Variants in TDRD5 observed in about 807,000 individuals in gnomAD.
TDRD5 encodes tudor domain-containing protein 5.
In TDRD5, 41 loss-of-function variants were observed where a neutral mutation model predicts 120.6. The ratio of observed to expected loss-of-function variants is 0.34; its 90% CI spans 0.26 to 0.44. The LOEUF (loss-of-function observed/expected upper bound fraction) is 0.44, where lower values mean the gene tolerates loss of function less well. TDRD5 is among the 20% of genes least tolerant of loss of function. The pLI, the probability that TDRD5 is intolerant of heterozygous loss-of-function variation, is 1.00. For synonymous variants in TDRD5, 430 were observed against 433.7 expected, an observed-to-expected ratio of 0.99 and a Z score of 0.11; for missense variants, 1,006 against 1,221.2, an observed-to-expected ratio of 0.82 and a Z score of 2.63.
At chr1:179,596,983 AT>A (rs1291865181) in intron 4 of TDRD5, among the ~76,000 whole-genome samples, 2 of 152,328 alleles carry the variant, frequency 1.3e-5, no homozygotes, top group East Asian at 3.9e-4. Context: ...AGTTTTAAAA[AT>A]ATTAGCCATT....
chr1:179,641,305 G>A (rs974610643), intron 11 of TDRD5, among the ~76,000 whole-genome samples: 6 of 152,070 alleles, frequency 3.9e-5, no homozygotes, highest in South Asian at 2.1e-4. Context: ...CAAGGCGGGC[G>A]GATCACCTGA....
chr1:179,640,441 T>C lies in TDRD5; in HGVS notation c.1796T>C (p.Val599Ala). 2 of 1,614,082 alleles carry C rather than the reference T, an allele frequency of 1.2e-6. No individual in the cohort carries two copies. Among genetic ancestry groups the C allele is most frequent in the Non-Finnish European group, 1.7e-6 (2 of 1,179,946 alleles). Residue 599 changes from valine (V) to alanine (A), a missense_variant, in exon 11 of 18, where the codon GTA becomes GCA. Coordinates refer to ENST00000444136, the MANE Select transcript of TDRD5 (RefSeq NM_001199085.3). ...TGTTCTTTGGCTTGGGTGAGACCAG[T>C]AGAGGTATGTTTGCTTGTCTCCCAT... is the stretch of plus-strand genomic sequence containing the variant. ...IPCSLAWVRP[V>A]EEHWTSKAIL...
At position 179,630,900 on chromosome 1, in the gene TDRD5, A is replaced by C. The variant is rs1441542118; in HGVS notation, c.1106A>C (p.Asp369Ala). 3 of 1,613,190 alleles carry C rather than the reference A, an allele frequency of 1.9e-6. No individual in the cohort carries two copies. In the Admixed American group the frequency reaches 5.0e-5, roughly 27 times the overall value. ...CAAGACTTACTAGTGTTTGATGCGG[A>C]TAAGAAGCCTCTACCACCTGGTGAG... ...GHQDLLVFDA[D>A]KKPLPPVQSD... Residue 369 changes from aspartate (D) to alanine (A), a missense_variant, in exon 7 of 18, where the codon GAT (aspartate) becomes GCT (alanine). Asp to Ala is a moderately radical substitution (Grantham distance 126). This residue lies in a region of TDRD5 where 445 missense variants were observed against 515.5 expected (regional missense o/e 0.86). Coordinates refer to ENST00000444136, the MANE Select transcript of TDRD5 (RefSeq NM_001199085.3).
chr1:179,671,992 G>GTGTA (rs927077923), intron 17 of TDRD5, among the ~76,000 whole-genome samples: 76 of 141,292 alleles, frequency 5.4e-4, no homozygotes, highest in South Asian at 3.6e-3. Flanking sequence ...GTGTGTGTGT[G>GTGTA]TATCACATTT....
At position 179,651,045 on chromosome 1, in the gene TDRD5, G is replaced by C; in HGVS notation, c.1979G>C (p.Cys660Ser). Residue 660 changes from cysteine to serine, a missense_variant, in exon 12 of 18, where the codon TGC (cysteine) becomes TCC (serine). Around this residue, in one of 3 missense-constraint regions of TDRD5, gnomAD observed 403 missense variants for 448.1 expected, o/e 0.90. Coordinates refer to ENST00000444136, the MANE Select transcript of TDRD5 (RefSeq NM_001199085.3). The part of the protein sequence containing the change: ...VLRTEGHAIV[C>S]RENISSKGFS... ...AGAACAGAGGGCCATGCTATTGTAT[G>C]CCGAGAAAATATCTCTTCTAAGGTG... is the stretch of plus-strand genomic sequence containing the variant. The C allele has an allele frequency of 6.2e-7, 1 of 1,614,082 alleles. No individual in the cohort carries two copies. The highest frequency in any genetic ancestry group is 1.1e-5 in the South Asian group (1 of 91,076).
intron 4 of TDRD5, among the ~76,000 whole-genome samples, chr1:179,597,845 CAT>C (rs1447110539): frequency 8.9e-5 from 13 of 145,978 alleles, no homozygotes; most frequent in African/African-American, 3.1e-4. Context: ...TCACCTCACA[CAT>C]GTGTAGTTCT....
intron 15 of TDRD5, among the ~76,000 whole-genome samples, chr1:179,662,980 A>G (rs573014826): frequency 1.3e-5 from 2 of 152,204 alleles, no homozygotes; most frequent in African/African-American, 4.8e-5. Flanking sequence ...ATTAGGCCTA[A>G]CTATATATAT....
Position 179,618,700 on chromosome 1 carries a change from C to T in TDRD5, c.915+18C>T. The T allele has an allele frequency of 6.6e-7, 1 of 1,511,384 alleles. No individual in the cohort carries two copies. The highest frequency in any genetic ancestry group is 8.9e-7 in the Non-Finnish European group (1 of 1,120,748). The allele number at this position is 1,511,384 out of a possible 1,614,324, so 93.6% of individuals were successfully genotyped here. On this transcript the variant is annotated intron_variant, in intron 5 of 17. Coordinates refer to ENST00000444136, the MANE Select transcript of TDRD5 (RefSeq NM_001199085.3). Reference sequence around the variant, plus strand: ...TAAAATTTGTAAGTAATTTCTGTTTCTGGGAGACAATAATAATTGATTTAT... The same window carrying T: ...TAAAATTTGTAAGTAATTTCTGTTTTTGGGAGACAATAATAATTGATTTAT...
chr1:179,654,220 A>T lies in TDRD5; in HGVS notation c.2180A>T (p.Lys727Met). 1 of 1,534,640 alleles carries T rather than the reference A, an allele frequency of 6.5e-7. No homozygotes were observed. The highest frequency in any genetic ancestry group is 1.2e-5 in the South Asian group (1 of 80,456). The change falls in exon 14 of 18, where the codon AAG (lysine) becomes ATG (methionine). Residue 727 changes from lysine to methionine, a missense_variant. By Grantham distance (95) the Lys-to-Met change is moderately conservative. Around this residue, in one of 3 missense-constraint regions of TDRD5, gnomAD observed 403 missense variants for 448.1 expected, o/e 0.90. Transcript: ENST00000444136. ...TACTAGCAAGATATTAATGATGAAA[A>T]GTCTTTAAGTCATCTTAAATCTGAG... ...LRILQDINDE[K>M]SLSHLKSESK... is the part of the protein sequence containing the mutation.
intron 4 of TDRD5, among the ~76,000 whole-genome samples, chr1:179,607,821 A>T (rs1020571319): frequency 6.6e-6 from 1 of 151,984 alleles, no homozygotes; most frequent in Non-Finnish European, 1.5e-5. Context: ...TATTAAAAAC[A>T]TAAAAGTCAA....
chr1:179,650,527 G>A (rs1321123357), intron 11 of TDRD5, among the ~76,000 whole-genome samples: 1 of 150,636 alleles, frequency 6.6e-6, no homozygotes, highest in Non-Finnish European at 1.5e-5. Flanking sequence ...TCAGTTCTTT[G>A]ATACCTTTTG....
chr1:179,605,172 G>A (rs1675907340), intron 4 of TDRD5, among the ~76,000 whole-genome samples: 3 of 151,964 alleles, frequency 2.0e-5, no homozygotes, highest in Admixed American at 2.0e-4. Flanking sequence ...AGTTTGTTTT[G>A]TCTGATATAA....
chr1:179,688,412 A>C (rs569242475), intron 17 of TDRD5, among the ~76,000 whole-genome samples: 5 of 152,214 alleles, frequency 3.3e-5, no homozygotes, highest in Non-Finnish European at 4.4e-5. Context: ...GCAGAGAGAT[A>C]CGCTGTTAGT....
chr1:179,678,241 T>C (rs1680239373), intron 17 of TDRD5, among the ~76,000 whole-genome samples: 1 of 152,182 alleles, frequency 6.6e-6, no homozygotes, highest in Non-Finnish European at 1.5e-5. Context: ...TTCTAAAGGC[T>C]AGTCTCACTC....
intron 4 of TDRD5, among the ~76,000 whole-genome samples, chr1:179,614,138 AG>A (rs1676435220): frequency 6.6e-6 from 1 of 152,212 alleles, no homozygotes; most frequent in Non-Finnish European, 1.5e-5. Flanking sequence ...AATACAGAAA[AG>A]CACAAAAGAA....
chr1:179,665,044 CTT>C (rs773330066), intron 16 of TDRD5, among the ~76,000 whole-genome samples: 13 of 152,164 alleles, frequency 8.5e-5, no homozygotes, highest in Non-Finnish European at 1.5e-4. Context: ...TGTTGGGTGT[CTT>C]TTCATGTGCT....
intron 14 of TDRD5, among the ~76,000 whole-genome samples, chr1:179,657,386 T>C (rs1459796724): frequency 2.6e-4 from 39 of 152,214 alleles, no homozygotes; most frequent in Admixed American, 2.6e-3. Flanking sequence ...TATAAATGTT[T>C]TCCCCAGTTT....
intron 6 of TDRD5, among the ~76,000 whole-genome samples, chr1:179,624,388 G>A (rs1174358930): frequency 2.0e-5 from 3 of 152,114 alleles, no homozygotes; most frequent in Admixed American, 6.5e-5. Flanking sequence ...AGTATATCCA[G>A]TCATACTGCT....
At position 179,669,351 on chromosome 1, in the gene TDRD5, C is replaced by T. The variant is rs754332603; in HGVS notation, c.2807C>T (p.Ala936Val). The change falls in exon 17 of 18, where the codon GCA (alanine) becomes GTA (valine). Residue 936 changes from alanine to valine, a missense_variant. Physicochemically the swap from Ala to Val is moderately conservative, Grantham distance 64 (BLOSUM62 0). Transcript: ENST00000444136. ...AAGCAAATTCAGCTTTCCACAGCAG[C>T]ACCCTGTTCAACAACTGCAGTGGAT... The part of the protein sequence containing the change: ...QPKQIQLSTA[A>V]PCSTTAVDDS... 7.4e-6 allele frequency: 12 copies of T among 1,614,090 alleles called. No individual in the cohort carries two copies. The East Asian group carries it at 2.0e-4, about 27-fold the overall frequency.
Sources: allele counts gnomAD v4.1 joint callset (sites outside exome capture counted in the v4.1 genomes callset), GRCh38; gene constraint gnomAD v4.1.1; regional missense constraint gnomAD v4.1.1; transcripts MANE v1.5; gene names NCBI Gene and HGNC (gene_info 2026-07-23, HGNC 2026-07-21).